Variants in NALCN observed in about 807,000 individuals in gnomAD.
NALCN encodes the protein sodium leak channel, non-selective.
NALCN carries 111 observed loss-of-function variants against 225.3 expected under a neutral mutation model. That is an observed-to-expected ratio of 0.49 (90% CI 0.42 to 0.58). The LOEUF is 0.58. Among genes scored for constraint, NALCN ranks in the 20% least tolerant of loss-of-function variants. NALCN has a pLI of 0.00. For synonymous variants in NALCN, 764 were observed against 769.0 expected, an observed-to-expected ratio of 0.99 and a Z score of 0.11; for missense variants, 1,378 against 2,202.4, an observed-to-expected ratio of 0.63 and a Z score of 7.49.
At chr13:101,290,158 T>C (rs1289777850) in intron 9 of NALCN, among the ~76,000 whole-genome samples, 2 of 152,268 alleles carry the variant, frequency 1.3e-5, no homozygotes, top group Non-Finnish European at 2.9e-5. Flanking sequence ...AATGATTCTG[T>C]ACAACTTTGT....
At chr13:101,269,581 CT>C (rs1379765389) in intron 10 of NALCN, among the ~76,000 whole-genome samples, 1 of 152,144 alleles carries the variant, frequency 6.6e-6, no homozygotes, top group Non-Finnish European at 1.5e-5. Context: ...CCTTCCCTAT[CT>C]TTGGCATGTA....
At chr13:101,205,019 A>C (rs2140053744) in intron 13 of NALCN, among the ~76,000 whole-genome samples, 1 of 152,270 alleles carries the variant, frequency 6.6e-6, no homozygotes, top group African/African-American at 2.4e-5. Context: ...GCTTACAGGT[A>C]GCAAATGGTG....
intron 9 of NALCN, among the ~76,000 whole-genome samples, chr13:101,289,818 G>T (rs575500071): frequency 2.6e-5 from 4 of 152,188 alleles, no homozygotes; most frequent in African/African-American, 9.6e-5. Flanking sequence ...CCCTGTTCAC[G>T]GAATTTGGTC....
At chr13:101,083,221 A>AG in intron 31 of NALCN, 23 bp from the exon 32 acceptor site, 1 of 1,584,062 alleles carries the variant, frequency 6.3e-7, no homozygotes, top group Non-Finnish European at 8.7e-7. Context: ...GGTTTGGGCA[A>AG]GGGCATTTTA....
chr13:101,226,752 C>G (rs2041159197), intron 13 of NALCN, among the ~76,000 whole-genome samples: 1 of 152,178 alleles, frequency 6.6e-6, no homozygotes, highest in African/African-American at 2.4e-5. Flanking sequence ...TCTGGAGGGA[C>G]TTGCAATTTA....
rs142203277 is a variant in NALCN, at chr13:101,100,788, C to G, written c.3158G>C (p.Arg1053Thr). ...AGACAGAAAGATACATCTTACCCTT[C>G]TAATAATGTTGGGATCATTGCACTT... Reference protein sequence around the residue: ...LAKCNDPNIIRREDCNGIFRI... With the variant: ...LAKCNDPNIITREDCNGIFRI... The change falls in exon 27 of 44, where the codon AGA (arginine) becomes ACA (threonine). Residue 1053 changes from arginine to threonine, a missense_variant. Transcript: ENST00000251127. The G allele has an allele frequency of 8.6e-5, 138 of 1,604,916 alleles. No homozygotes were observed. The highest frequency in any genetic ancestry group is 1.2e-4 in the Non-Finnish European group (137 of 1,176,000).
intron 6 of NALCN, among the ~76,000 whole-genome samples, chr13:101,372,229 G>A (rs2046560684): frequency 1.3e-5 from 2 of 152,066 alleles, no homozygotes; most frequent in Non-Finnish European, 2.9e-5. Context: ...AAGAGAGATT[G>A]AAAATTTCTG....
chr13:101,089,610 G>T lies in NALCN; in HGVS notation c.3489+53C>A, dbSNP rs115807538. On this transcript the variant is annotated intron_variant, in intron 30 of 43. Coordinates refer to ENST00000251127, the MANE Select transcript of NALCN (RefSeq NM_052867.4). The surrounding 1 kb of genome is among the most constrained non-coding windows in gnomAD (Gnocchi z 4.7). ...TGTGAAAAGAAACAAATAGCTCAAA[G>T]TGAGTGGCTAGAAAAGGCTAAACCC... The T allele has an allele frequency of 1.7e-3, 2,590 of 1,515,730 alleles. 35 individuals carry two copies. The African/African-American group carries it at 0.03, about 17-fold the overall frequency. The allele number at this position is 1,515,730 out of a possible 1,614,324, so 93.9% of individuals were successfully genotyped here.
chr13:101,250,023 T>A (rs1224542546), intron 11 of NALCN, among the ~76,000 whole-genome samples: 2 of 152,084 alleles, frequency 1.3e-5, no homozygotes, highest in African/African-American at 4.8e-5. Flanking sequence ...CAACCAATTG[T>A]AGTAAAGTTG....
At chr13:101,129,963 T>C (rs2036436380) in intron 17 of NALCN, among the ~76,000 whole-genome samples, 2 of 151,394 alleles carry the variant, frequency 1.3e-5, no homozygotes, top group Admixed American at 6.6e-5. Context: ...ACTGAGAACA[T>C]GCTGTGTTTG....
chr13:101,268,539 T>C (rs1424484243), intron 10 of NALCN, among the ~76,000 whole-genome samples: 1 of 152,210 alleles, frequency 6.6e-6, no homozygotes, highest in Non-Finnish European at 1.5e-5. Flanking sequence ...CTGGGTCATA[T>C]ATATTACATA....
At chr13:101,103,490 A>C in intron 25 of NALCN, 151 bp from the exon 26 acceptor site, 21 of 921,210 alleles carry the variant, frequency 2.3e-5, no homozygotes, top group Non-Finnish European at 2.9e-5. Context: ...AACAAACCTC[A>C]TCTAGACTTG....
chr13:101,101,796 C>G (rs1418471262), intron 26 of NALCN, among the ~76,000 whole-genome samples: 1 of 152,110 alleles, frequency 6.6e-6, no homozygotes, highest in Admixed American at 6.6e-5. Flanking sequence ...AAATATGGAA[C>G]AAGTGAACTG....
intron 37 of NALCN, among the ~76,000 whole-genome samples, chr13:101,069,684 T>C (rs1398210736): frequency 6.6e-6 from 1 of 152,240 alleles, no homozygotes; most frequent in Non-Finnish European, 1.5e-5. Context: ...TCTTTCGAAT[T>C]TGGAGTCAAC....
At chr13:101,239,023 AC>A (rs1477959219) in intron 11 of NALCN, among the ~76,000 whole-genome samples, 1 of 151,910 alleles carries the variant, frequency 6.6e-6, no homozygotes, top group East Asian at 1.9e-4. Flanking sequence ...TCCTTAAAAA[AC>A]ATAACAAGGT....
intron 13 of NALCN, among the ~76,000 whole-genome samples, chr13:101,202,518 C>A (rs532951829): frequency 3.3e-5 from 5 of 152,266 alleles, no homozygotes; most frequent in African/African-American, 7.2e-5. Context: ...CCAATTCAAT[C>A]ACACTCTTCC....
intron 2 of NALCN, among the ~76,000 whole-genome samples, chr13:101,397,069 TATATATATATATATATATATA>T (rs773103523): frequency 0.23 from 13,967 of 61,732 alleles, 1,280 homozygotes; most frequent in East Asian, 0.52. Flanking sequence ...GAATGTATTA[TATATATATATATATATATATA>T]TATATATATA....
In NALCN at chr13:101,089,903, A is replaced by G. The variant is rs748312102; in HGVS notation, c.3333T>C (p.Val1111=). ...CTTCCACCCAGCCTTTCAAGGAGAG[A>G]ACTTCAAACAACGCCAGCATAGCGT... ...VGNAMLALFE[V]LSLKGWVEVR... is the part of the protein sequence containing the mutation. The change falls in exon 29 of 44, where the codon GTT becomes GTC. Residue 1111 remains valine, a synonymous_variant. Transcript: ENST00000251127. This position sits in a 1 kb window ranked among gnomAD's most constrained non-coding sequence, Gnocchi z 4.7. 1.9e-6 allele frequency: 3 copies of G among 1,614,080 alleles called. No individual in the cohort carries two copies. Among genetic ancestry groups the G allele is most frequent in the South Asian group, 2.2e-5 (2 of 91,088 alleles).
intron 7 of NALCN, among the ~76,000 whole-genome samples, chr13:101,320,564 T>C (rs757790615): frequency 3.3e-5 from 5 of 152,132 alleles, no homozygotes; most frequent in Non-Finnish European, 5.9e-5. Flanking sequence ...TAGGAGAATA[T>C]TAGAGTGGGG....
Sources: allele counts gnomAD v4.1 joint callset (sites outside exome capture counted in the v4.1 genomes callset), GRCh38; gene constraint gnomAD v4.1.1; non-coding constraint Gnocchi (gnomAD v3.1); transcripts MANE v1.5; gene names NCBI Gene and HGNC (gene_info 2026-07-23, HGNC 2026-07-21).